The following ENOX1 variants were observed in gnomAD, a reference collection of about 807,000 sequenced individuals.
ENOX1 encodes candidate growth-related and time keeping constitutive hydroquinone (NADH) oxidase.
A neutral mutation model predicts 82.5 loss-of-function variants in ENOX1; 42 were observed. That is an observed-to-expected ratio of 0.51 (90% CI 0.40 to 0.66). The LOEUF is 0.66. Among genes scored for constraint, ENOX1 ranks in the 30% least tolerant of loss-of-function variants. The pLI, the probability that ENOX1 is intolerant of heterozygous loss-of-function variation, is 0.00. For synonymous variants in ENOX1, 271 were observed against 282.2 expected, an observed-to-expected ratio of 0.96 and a Z score of 0.40; for missense variants, 608 against 811.6, an observed-to-expected ratio of 0.75 and a Z score of 3.05.
chr13:43,513,694 T>C (rs1308104374), intron 2 of ENOX1, among the ~76,000 whole-genome samples: 1 of 152,174 alleles, frequency 6.6e-6, no homozygotes, highest in Non-Finnish European at 1.5e-5. Context: ...CATATCTGCA[T>C]TTGTGACTGA....
At chr13:43,784,633 G>A (rs1303060534) in intron 1 of ENOX1, among the ~76,000 whole-genome samples, 4 of 152,180 alleles carry the variant, frequency 2.6e-5, no homozygotes, top group Non-Finnish European at 1.5e-5. Flanking sequence ...TGTTCTCCAT[G>A]GAATAGCCTC....
intron 5 of ENOX1, among the ~76,000 whole-genome samples, chr13:43,362,164 C>T (rs2050564691): frequency 7.8e-6 from 1 of 128,316 alleles, no homozygotes; most frequent in African/African-American, 2.7e-5. Flanking sequence ...ATTACACACA[C>T]ACACACACAC....
At chr13:43,591,878 A>C (rs1028990283) in intron 2 of ENOX1, among the ~76,000 whole-genome samples, 4 of 152,092 alleles carry the variant, frequency 2.6e-5, no homozygotes, top group African/African-American at 7.2e-5. Flanking sequence ...TTTCCCATGG[A>C]AACTTTGAAG....
intron 1 of ENOX1, among the ~76,000 whole-genome samples, chr13:43,719,302 T>TATACAC (rs2088385896): frequency 7.9e-6 from 1 of 126,682 alleles, no homozygotes; most frequent in Non-Finnish European, 1.7e-5. Context: ...TTCATTCAAA[T>TATACAC]ACACACACAC....
At chr13:43,512,727 T>C (rs2077416429) in intron 2 of ENOX1, among the ~76,000 whole-genome samples, 1 of 152,022 alleles carries the variant, frequency 6.6e-6, no homozygotes, top group Non-Finnish European at 1.5e-5. Context: ...CTTGCATTTT[T>C]GCATAGCAGT....
intron 3 of ENOX1, among the ~76,000 whole-genome samples, chr13:43,423,992 G>A (rs556261689): frequency 1.1e-4 from 17 of 152,148 alleles, no homozygotes; most frequent in South Asian, 2.1e-4. Context: ...GGAAAGAGTC[G>A]TCTTGAGGAA....
intron 1 of ENOX1, among the ~76,000 whole-genome samples, chr13:43,775,382 C>T (rs760811875): frequency 6.6e-6 from 1 of 152,058 alleles, no homozygotes; most frequent in Admixed American, 6.5e-5. Flanking sequence ...TCTCAAGTGA[C>T]CCTCCCACCT....
At chr13:43,415,857 T>C (rs2054452484) in intron 3 of ENOX1, among the ~76,000 whole-genome samples, 1 of 150,184 alleles carries the variant, frequency 6.7e-6, no homozygotes, top group Non-Finnish European at 1.5e-5. Flanking sequence ...GCTCCCCACT[T>C]CCCAGACGGG....
At chr13:43,678,055 G>T (rs1242766123) in intron 1 of ENOX1, among the ~76,000 whole-genome samples, 1 of 152,064 alleles carries the variant, frequency 6.6e-6, no homozygotes, top group African/African-American at 2.4e-5. Flanking sequence ...TGGAAATCTG[G>T]GAGGTGCTAT....
At chr13:43,755,685 A>T (rs1175587495) in intron 1 of ENOX1, among the ~76,000 whole-genome samples, 1 of 152,204 alleles carries the variant, frequency 6.6e-6, no homozygotes, top group African/African-American at 2.4e-5. Flanking sequence ...ATCCTCCCAC[A>T]CTTTTCTCCT....
intron 2 of ENOX1, among the ~76,000 whole-genome samples, chr13:43,535,478 G>A (rs1016578657): frequency 3.3e-5 from 5 of 152,004 alleles, no homozygotes; most frequent in East Asian, 1.9e-4. Context: ...TCCCCCCATC[G>A]TTAACTCAAT....
At chr13:43,665,375 A>G (rs2084927531) in intron 2 of ENOX1, among the ~76,000 whole-genome samples, 1 of 152,166 alleles carries the variant, frequency 6.6e-6, no homozygotes, top group South Asian at 2.1e-4. Context: ...TAATTTATCA[A>G]CACCCAAATC....
intron 2 of ENOX1, among the ~76,000 whole-genome samples, chr13:43,485,263 C>T (rs9594954): frequency 0.42 from 63,786 of 151,972 alleles, 14,025 homozygotes; most frequent in South Asian, 0.5. Flanking sequence ...CCACCACCAG[C>T]TGTCCCAGTA....
chr13:43,404,298 C>T (rs750232671), intron 5 of ENOX1, among the ~76,000 whole-genome samples: 3 of 152,210 alleles, frequency 2.0e-5, no homozygotes, highest in Non-Finnish European at 2.9e-5. Flanking sequence ...TAAGCACCAA[C>T]CTGCCAATCC....
chr13:43,225,060 G>T (rs1265425766), intron 15 of ENOX1, among the ~76,000 whole-genome samples: 1 of 152,142 alleles, frequency 6.6e-6, no homozygotes, highest in Non-Finnish European at 1.5e-5. Context: ...AGAAAACGTG[G>T]TATGAACCAT....
At chr13:43,302,142 G>C (rs1056573454) in intron 11 of ENOX1, among the ~76,000 whole-genome samples, 5 of 151,676 alleles carry the variant, frequency 3.3e-5, no homozygotes, top group African/African-American at 1.2e-4. Context: ...TGCATCTTTC[G>C]GTAGGAATTC....
chr13:43,681,690 C>CACACACAG (rs2085793725), intron 1 of ENOX1, among the ~76,000 whole-genome samples: 1 of 71,312 alleles, frequency 1.4e-5, no homozygotes, highest in South Asian at 4.5e-4. Context: ...TGCATAAACA[C>CACACACAG]ACACACACAC....
intron 15 of ENOX1, among the ~76,000 whole-genome samples, chr13:43,235,150 T>A (rs2042470846): frequency 6.6e-6 from 1 of 152,212 alleles, no homozygotes; most frequent in African/African-American, 2.4e-5. Context: ...AGTTACCAAC[T>A]ACATATGGGT....
intron 1 of ENOX1, among the ~76,000 whole-genome samples, chr13:43,708,379 G>A (rs974589636): frequency 5.9e-5 from 9 of 152,286 alleles, no homozygotes; most frequent in African/African-American, 1.9e-4. Context: ...CCAAGGCAAA[G>A]GTCAAACAGT....
Sources: allele counts gnomAD v4.1 joint callset (sites outside exome capture counted in the v4.1 genomes callset), GRCh38; gene constraint gnomAD v4.1.1; transcripts MANE v1.5; gene names NCBI Gene and HGNC (gene_info 2026-07-23, HGNC 2026-07-21).